SLC5A4: variants seen among roughly 807,000 people sequenced by gnomAD.
SLC5A4 encodes the protein solute carrier family 5 member 4, also known as probable glucose sensor protein SLC5A4.
SLC5A4 carries 55 observed loss-of-function variants against 70.3 expected under a neutral mutation model. That is an observed-to-expected ratio of 0.78 (90% CI 0.63 to 0.98). The LOEUF (loss-of-function observed/expected upper bound fraction) is 0.98. Among genes scored for constraint, SLC5A4 ranks in the 50% least tolerant of loss-of-function variants. SLC5A4 has a pLI of 0.00. For missense variants in SLC5A4, 735 were observed against 839.2 expected (o/e 0.88, Z 1.53); for synonymous variants, 268 against 305.7 (o/e 0.88, Z 1.29).
At chr22:32,241,061 A>C (rs180696997) in intron 5 of SLC5A4, among the ~76,000 whole-genome samples, 5 of 152,358 alleles carry the variant, frequency 3.3e-5, no homozygotes, top group Admixed American at 6.5e-5. Context: ...AAAAGGCAAG[A>C]CGGCAGGTGC....
the SLC5A4 span, among the ~76,000 whole-genome samples, chr22:32,348,351 A>G: frequency 6.6e-6 from 1 of 152,166 alleles, no homozygotes; most frequent in Non-Finnish European, 1.5e-5. Context: ...GTGTGTATCC[A>G]TCTCATTTCC....
At chr22:32,313,565 T>C in the SLC5A4 span, among the ~76,000 whole-genome samples, 1 of 152,152 alleles carries the variant, frequency 6.6e-6, no homozygotes, top group Non-Finnish European at 1.5e-5. Context: ...AGATCTACAG[T>C]GTGGAAACAG....
the SLC5A4 span, among the ~76,000 whole-genome samples, chr22:32,351,034 T>C: frequency 6.6e-6 from 1 of 152,116 alleles, no homozygotes. Flanking sequence ...CTAAAAACAT[T>C]ATAATTCCAC....
At chr22:32,353,225 G>C in the SLC5A4 span, among the ~76,000 whole-genome samples, 1 of 152,106 alleles carries the variant, frequency 6.6e-6, no homozygotes, top group African/African-American at 2.4e-5. Flanking sequence ...GAACCGCTGG[G>C]CCCACCCTGG....
the SLC5A4 span, among the ~76,000 whole-genome samples, chr22:32,324,315 C>G: frequency 1.4e-5 from 2 of 145,116 alleles, no homozygotes; most frequent in African/African-American, 5.2e-5. Context: ...GATTCTCTTG[C>G]AGAAAATGAA....
chr22:32,285,233 G>T, the SLC5A4 span: 6 of 151,996 alleles, frequency 3.9e-5, no homozygotes, highest in African/African-American at 1.5e-4. Flanking sequence ...CTATTGATAA[G>T]CATCATTTTG....
the SLC5A4 span, among the ~76,000 whole-genome samples, chr22:32,330,847 G>A: frequency 1.7e-4 from 22 of 128,472 alleles, 2 homozygotes; most frequent in African/African-American, 6.1e-4. Flanking sequence ...TGTGTTGGGG[G>A]CTCTGGTGTG....
intron 13 of SLC5A4, among the ~76,000 whole-genome samples, chr22:32,223,444 A>G (rs1484589579): frequency 6.6e-6 from 1 of 152,210 alleles, no homozygotes; most frequent in African/African-American, 2.4e-5. Flanking sequence ...CACTAATATC[A>G]ACCACTAACA....
the SLC5A4 span, among the ~76,000 whole-genome samples, chr22:32,301,922 T>C: frequency 4.6e-5 from 7 of 151,968 alleles, no homozygotes; most frequent in African/African-American, 7.2e-5. Context: ...GTACTGACAA[T>C]TGGATATCCA....
At chr22:32,311,310 G>C in the SLC5A4 span, among the ~76,000 whole-genome samples, 25 of 152,214 alleles carry the variant, frequency 1.6e-4, no homozygotes, top group Admixed American at 5.2e-4. Flanking sequence ...GAGAACACTA[G>C]GTCTGATGAA....
At chr22:32,306,530 C>T in the SLC5A4 span, among the ~76,000 whole-genome samples, 128 of 151,516 alleles carry the variant, frequency 8.4e-4, no homozygotes, top group Non-Finnish European at 1.7e-3. Context: ...GTGAAAAACT[C>T]ATTATTGTTA....
At chr22:32,241,113 G>C (rs1218657019) in intron 5 of SLC5A4, among the ~76,000 whole-genome samples, 2 of 152,246 alleles carry the variant, frequency 1.3e-5, no homozygotes, top group African/African-American at 4.8e-5. Flanking sequence ...TCTGGGAGGA[G>C]GCAGAGAGAA....
chr22:32,282,539 T>C, the SLC5A4 span, among the ~76,000 whole-genome samples: 2 of 152,212 alleles, frequency 1.3e-5, no homozygotes, highest in Non-Finnish European at 2.9e-5. Flanking sequence ...TATTACCCTC[T>C]CATTCCCTTA....
At chr22:32,289,519 C>T in the SLC5A4 span, among the ~76,000 whole-genome samples, 2 of 152,156 alleles carry the variant, frequency 1.3e-5, no homozygotes, top group Non-Finnish European at 2.9e-5. Flanking sequence ...CGGAGTTTCG[C>T]TCTTGTTGCT....
At chr22:32,344,230 T>C in the SLC5A4 span, among the ~76,000 whole-genome samples, 1 of 152,180 alleles carries the variant, frequency 6.6e-6, no homozygotes, top group Admixed American at 6.5e-5. Context: ...AAAAGAGACC[T>C]TTCTGAGCCA....
At chr22:32,324,970 T>C in the SLC5A4 span, among the ~76,000 whole-genome samples, 3 of 152,228 alleles carry the variant, frequency 2.0e-5, no homozygotes, top group Non-Finnish European at 4.4e-5. Context: ...CTGTAGCCTG[T>C]GAGTGCAGGA....
chr22:32,344,071 G>T, the SLC5A4 span, among the ~76,000 whole-genome samples: 1 of 152,138 alleles, frequency 6.6e-6, no homozygotes, highest in African/African-American at 2.4e-5. Context: ...TGGCAGTGAG[G>T]GTGGATAGAA....
chr22:32,306,918 CTT>C, the SLC5A4 span, among the ~76,000 whole-genome samples: 7 of 151,498 alleles, frequency 4.6e-5, 1 homozygote, highest in South Asian at 8.4e-4. Context: ...GGCGCTCTCT[CTT>C]GGGCCACCAG....
chr22:32,235,766 A>G (rs1024297417), intron 7 of SLC5A4, among the ~76,000 whole-genome samples: 2 of 152,178 alleles, frequency 1.3e-5, no homozygotes, highest in Admixed American at 1.3e-4. Flanking sequence ...GTCCCTTAGT[A>G]TAGCTTTAAA....
Sources: allele counts gnomAD v4.1 joint callset (sites outside exome capture counted in the v4.1 genomes callset), GRCh38; gene constraint gnomAD v4.1.1; transcripts MANE v1.5; gene names NCBI Gene and HGNC (gene_info 2026-07-23, HGNC 2026-07-21).